The following ADAMTSL1 variants were observed in gnomAD, a reference collection of about 807,000 sequenced individuals.
ADAMTSL1 encodes ADAMTS-like protein 1.
In ADAMTSL1, 126 loss-of-function variants were observed where a neutral mutation model predicts 201.8. The observed-to-expected ratio is 0.62, with a 90% CI of 0.54 to 0.72. The LOEUF (loss-of-function observed/expected upper bound fraction) is 0.72. ADAMTSL1 is among the 30% of genes least tolerant of loss of function. The pLI, the probability that ADAMTSL1 is intolerant of heterozygous loss-of-function variation, is 0.00. For missense variants in ADAMTSL1, 2,679 were observed against 2,277.8 expected, an observed-to-expected ratio of 1.18 and a Z score of -3.59; for synonymous variants, 1,121 against 903.4, an observed-to-expected ratio of 1.24 and a Z score of -4.32.
intron 2 of ADAMTSL1, among the ~76,000 whole-genome samples, chr9:18,374,777 G>A (rs1251210315): frequency 6.6e-6 from 1 of 152,160 alleles, no homozygotes; most frequent in Non-Finnish European, 1.5e-5. Flanking sequence ...AAAGCAGTAG[G>A]CTTGTCCATT....
chr9:18,533,324 T>C (rs1181830475), intron 3 of ADAMTSL1, 32 bp downstream of exon 3: 1 of 1,588,156 alleles, frequency 6.3e-7, no homozygotes, highest in Admixed American at 1.7e-5. Flanking sequence ...TGTAATCATG[T>C]ATTTTTGTTA....
chr9:18,844,317 C>G (rs908365231), intron 23 of ADAMTSL1, among the ~76,000 whole-genome samples: 8 of 152,222 alleles, frequency 5.3e-5, no homozygotes, highest in African/African-American at 1.9e-4. Flanking sequence ...CCCTGTTTGC[C>G]TAGGTACCAG....
chr9:18,258,611 C>A (rs535342602), intron 2 of ADAMTSL1, among the ~76,000 whole-genome samples: 1 of 152,184 alleles, frequency 6.6e-6, no homozygotes, highest in Non-Finnish European at 1.5e-5. Context: ...CCACACCCAC[C>A]GCCAGTGCCT....
At chr9:18,776,642 C>T (rs936377470) in intron 18 of ADAMTSL1, 139 bp from the exon 19 acceptor site, 2 of 1,019,744 alleles carry the variant, frequency 2.0e-6, no homozygotes, top group African/African-American at 1.6e-5. Flanking sequence ...CTTTCTCTCC[C>T]GTCCTCCGGC....
intron 2 of ADAMTSL1, among the ~76,000 whole-genome samples, chr9:18,288,520 A>C (rs952783326): frequency 6.6e-6 from 1 of 152,218 alleles, no homozygotes; most frequent in Non-Finnish European, 1.5e-5. Context: ...TCATGTGATT[A>C]GCTGCTTTAG....
intron 2 of ADAMTSL1, among the ~76,000 whole-genome samples, chr9:18,339,104 G>T (rs1026206494): frequency 2.6e-5 from 4 of 151,856 alleles, no homozygotes; most frequent in Non-Finnish European, 5.9e-5. Flanking sequence ...GTGTCTTTAT[G>T]TCAGAAACAT....
chr9:18,409,032 A>C (rs531730971), intron 2 of ADAMTSL1, among the ~76,000 whole-genome samples: 2 of 152,282 alleles, frequency 1.3e-5, no homozygotes, highest in African/African-American at 4.8e-5. Flanking sequence ...CATGGAAATT[A>C]GAACTATAAG....
At chr9:18,545,334 C>T (rs374197443) in intron 3 of ADAMTSL1, among the ~76,000 whole-genome samples, 54 of 152,036 alleles carry the variant, frequency 3.6e-4, no homozygotes, top group Non-Finnish European at 6.5e-4. Context: ...TTGTAAATGC[C>T]GAAGCACATG....
Position 18,288,035 on chromosome 9 carries a change from C to G in ADAMTSL1, c.207+124054C>G, listed in dbSNP as rs532369063. ...ATACCTAGGACTGGGCTTGAAAGAACTGAGCCTGAGCGGTGGCACTGGCTG... is the reference window on the plus strand; with the variant it reads ...ATACCTAGGACTGGGCTTGAAAGAAGTGAGCCTGAGCGGTGGCACTGGCTG... On this transcript the variant is annotated intron_variant, in intron 2 of 29. Transcript: ENST00000680146. 7.4e-4 allele frequency among the ~76,000 whole-genome samples: 112 copies of G among 152,158 alleles called. No individual in the cohort carries two copies. In the South Asian group the frequency reaches 0.021, roughly 28 times the overall value.
chr9:18,483,650 A>G (rs887366703), intron 1 of ADAMTSL1, among the ~76,000 whole-genome samples: 1 of 152,034 alleles, frequency 6.6e-6, no homozygotes, highest in African/African-American at 2.4e-5. Context: ...ACACGGTGAA[A>G]CCCTATCTCT....
At chr9:18,893,279 A>G (rs908531212) in intron 26 of ADAMTSL1, among the ~76,000 whole-genome samples, 1 of 152,078 alleles carries the variant, frequency 6.6e-6, no homozygotes, top group Non-Finnish European at 1.5e-5. Context: ...CAGTTTGTAA[A>G]ATTACAATAG....
intron 23 of ADAMTSL1, among the ~76,000 whole-genome samples, chr9:18,844,869 G>A (rs562752275): frequency 1.8e-3 from 280 of 152,186 alleles, no homozygotes; most frequent in African/African-American, 6.2e-3. Context: ...CTCCTGGTGT[G>A]CCGTTTTTTA....
At chr9:18,214,520 G>T (rs1350112774) in intron 2 of ADAMTSL1, among the ~76,000 whole-genome samples, 4 of 152,094 alleles carry the variant, frequency 2.6e-5, no homozygotes, top group Admixed American at 2.6e-4. Flanking sequence ...CCAACTAAAT[G>T]TTACTAAAAT....
intron 2 of ADAMTSL1, among the ~76,000 whole-genome samples, chr9:18,323,638 C>G (rs1227515938): frequency 6.6e-6 from 1 of 152,074 alleles, no homozygotes; most frequent in South Asian, 2.1e-4. Flanking sequence ...TTACAAGTAG[C>G]AAGATCATAG....
chr9:18,592,241 C>G (rs1391338365), intron 4 of ADAMTSL1, among the ~76,000 whole-genome samples: 2 of 152,140 alleles, frequency 1.3e-5, no homozygotes, highest in Non-Finnish European at 2.9e-5. Context: ...GGTCAAACCA[C>G]TGAGCTGTTC....
chr9:18,411,182 ATTTATTTATTTATT>A, intron 2 of ADAMTSL1, among the ~76,000 whole-genome samples: 1 of 147,238 alleles, frequency 6.8e-6, no homozygotes, highest in Non-Finnish European at 1.5e-5. Context: ...TTATTTATTT[ATTTATTTATTTATT>A]TTTATTTATT....
chr9:18,496,051 T>G (rs1822519197), intron 1 of ADAMTSL1, among the ~76,000 whole-genome samples: 1 of 152,184 alleles, frequency 6.6e-6, no homozygotes, highest in Non-Finnish European at 1.5e-5. Context: ...TGTAGATAAC[T>G]CAAAAATAGA....
intron 26 of ADAMTSL1, among the ~76,000 whole-genome samples, chr9:18,896,640 C>T (rs1460722183): frequency 2.6e-5 from 4 of 152,210 alleles, no homozygotes; most frequent in African/African-American, 7.2e-5. Flanking sequence ...GCCAAAAAAC[C>T]TTCACCCCCC....
intron 5 of ADAMTSL1, among the ~76,000 whole-genome samples, chr9:18,629,268 G>A (rs945585783): frequency 1.3e-5 from 2 of 151,836 alleles, no homozygotes; most frequent in African/African-American, 2.4e-5. Context: ...TACTGGCTAC[G>A]CATGCAATAC....
Sources: gnomAD v4.1 joint callset for allele counts (sites outside exome capture counted in the v4.1 genomes callset) on GRCh38, gnomAD v4.1.1 for gene constraint, MANE v1.5 for transcripts, NCBI Gene and HGNC (gene_info 2026-07-23, HGNC 2026-07-21) for gene names.